Variants in CNTNAP5 observed in about 807,000 individuals in gnomAD.
CNTNAP5 encodes contactin-associated protein-like 5.
Under a neutral mutation model 150.2 loss-of-function variants are expected in CNTNAP5, and 72 were observed. The ratio of observed to expected loss-of-function variants is 0.48; its 90% confidence interval spans 0.40 to 0.58. CNTNAP5 has a LOEUF of 0.58. CNTNAP5 is among the 20% of genes least tolerant of loss of function. The pLI, the probability that CNTNAP5 is intolerant of heterozygous loss-of-function variation, is 0.00. For missense variants in CNTNAP5, 1,636 were observed against 1,626.2 expected (o/e 1.01, Z -0.10); for synonymous variants, 672 against 619.8 (o/e 1.08, Z -1.25).
intron 3 of CNTNAP5, among the ~76,000 whole-genome samples, chr2:124,350,379 A>G (rs1689847724): frequency 6.6e-6 from 1 of 151,248 alleles, no homozygotes; most frequent in Non-Finnish European, 1.5e-5. Flanking sequence ...TATTCATTAT[A>G]TTTTCTGATG....
intron 22 of CNTNAP5, among the ~76,000 whole-genome samples, chr2:124,904,654 A>C (rs2685170): frequency 0.55 from 82,953 of 151,990 alleles, 24,294 homozygotes; most frequent in African/African-American, 0.76. Flanking sequence ...ATAAATTGTG[A>C]TGGGGAAATT....
chr2:124,088,426 T>G (rs372580672), intron 1 of CNTNAP5, among the ~76,000 whole-genome samples: 1 of 152,206 alleles, frequency 6.6e-6, no homozygotes, highest in African/African-American at 2.4e-5. Context: ...GCTTATTCTA[T>G]CTTTCATTTT....
chr2:124,257,257 TTAAA>T (rs1414309244), intron 3 of CNTNAP5, among the ~76,000 whole-genome samples: 2 of 152,200 alleles, frequency 1.3e-5, no homozygotes, highest in East Asian at 3.9e-4. Flanking sequence ...ACAGTACTCT[TTAAA>T]TATTCATTAT....
intron 3 of CNTNAP5, among the ~76,000 whole-genome samples, chr2:124,311,120 C>A (rs1688818949): frequency 6.6e-6 from 1 of 152,156 alleles, no homozygotes; most frequent in South Asian, 2.1e-4. Context: ...AGATGAGCTT[C>A]TTTGCTTCAT....
chr2:124,417,681 T>C (rs2104777239), intron 4 of CNTNAP5, 91 bp downstream of exon 4: 2 of 1,267,368 alleles, frequency 1.6e-6, no homozygotes, highest in East Asian at 5.0e-5. Context: ...TTGACAATCA[T>C]CTTATTTTAA....
intron 14 of CNTNAP5, among the ~76,000 whole-genome samples, chr2:124,747,712 C>CAGGTTCAA (rs1166569243): frequency 6.9e-6 from 1 of 144,560 alleles, no homozygotes; most frequent in Non-Finnish European, 1.5e-5. Context: ...CTCCGCCTGC[C>CAGGTTCAA]AGGTTCAAGC....
chr2:124,352,420 G>A (rs1385467714), intron 3 of CNTNAP5, among the ~76,000 whole-genome samples: 2 of 152,140 alleles, frequency 1.3e-5, no homozygotes, highest in Non-Finnish European at 2.9e-5. Context: ...GTTTATGGAG[G>A]GCACATAAAG....
chr2:124,458,273 AAT>A (rs1239207904), intron 6 of CNTNAP5, among the ~76,000 whole-genome samples: 5 of 119,344 alleles, frequency 4.2e-5, no homozygotes, highest in Admixed American at 1.1e-4. Flanking sequence ...TATACAATAT[AAT>A]ATATATAATG....
chr2:124,326,305 A>T (rs1689215033), intron 3 of CNTNAP5, among the ~76,000 whole-genome samples: 1 of 152,198 alleles, frequency 6.6e-6, no homozygotes, highest in South Asian at 2.1e-4. Flanking sequence ...GGATTTCAGC[A>T]TGATTTTTAA....
chr2:124,342,795 G>A (rs1479117639), intron 3 of CNTNAP5, among the ~76,000 whole-genome samples: 2 of 152,054 alleles, frequency 1.3e-5, no homozygotes, highest in African/African-American at 4.8e-5. Flanking sequence ...AAATACGGAA[G>A]ACAAAATATA....
chr2:124,249,779 TAC>T lies in CNTNAP5; in HGVS notation c.381+7388_381+7389del, dbSNP rs549496059. Among the ~76,000 whole-genome samples the T allele has an allele frequency of 3.5e-3, 526 of 152,298 alleles. 4 individuals carry two copies. The highest frequency in any genetic ancestry group is 0.012 in the African/African-American group (508 of 41,578). On this transcript the variant is annotated intron_variant, in intron 3 of 23. Transcript: ENST00000682447. ...TCAGAATCAACCTGTTAAAATCTTT[TAC>T]AGAGTTTGACTCTTTTCATCGACAA...
At chr2:124,496,066 C>T (rs1219410159) in intron 7 of CNTNAP5, among the ~76,000 whole-genome samples, 1 of 152,082 alleles carries the variant, frequency 6.6e-6, no homozygotes, top group African/African-American at 2.4e-5. Flanking sequence ...CTGTCTCACT[C>T]CTTCACTGTA....
chr2:124,085,769 T>G (rs972217854), intron 1 of CNTNAP5, among the ~76,000 whole-genome samples: 4 of 152,262 alleles, frequency 2.6e-5, no homozygotes, highest in Admixed American at 2.6e-4. Flanking sequence ...CAATTTATTA[T>G]TTAAAAGTGT....
At chr2:124,257,844 G>A (rs371699817) in intron 3 of CNTNAP5, among the ~76,000 whole-genome samples, 76 of 152,154 alleles carry the variant, frequency 5.0e-4, no homozygotes, top group African/African-American at 1.7e-3. Context: ...ACTTGGTCTG[G>A]TATGGAGTAA....
chr2:124,236,435 G>A (rs1052960323), intron 2 of CNTNAP5, among the ~76,000 whole-genome samples: 1 of 152,180 alleles, frequency 6.6e-6, no homozygotes, highest in Non-Finnish European at 1.5e-5. Context: ...TTCTTGCCCA[G>A]CCACAGGTCC....
At chr2:124,534,109 G>A (rs527675142) in intron 10 of CNTNAP5, among the ~76,000 whole-genome samples, 1 of 152,270 alleles carries the variant, frequency 6.6e-6, no homozygotes, top group African/African-American at 2.4e-5. Context: ...GTGGGAGCTA[G>A]ATAACATGGA....
chr2:124,089,841 A>G (rs1161598086), intron 1 of CNTNAP5, among the ~76,000 whole-genome samples: 2 of 152,226 alleles, frequency 1.3e-5, no homozygotes, highest in African/African-American at 2.4e-5. Flanking sequence ...TCCTGGCCTC[A>G]CTATTATCCT....
chr2:124,516,158 C>T (rs915360481), intron 8 of CNTNAP5, among the ~76,000 whole-genome samples: 5 of 152,142 alleles, frequency 3.3e-5, no homozygotes. Context: ...GATGGATAAA[C>T]AGTGTGCCAG....
rs999518347 is a variant in CNTNAP5 at position 124,916,257 on chromosome 2, C to T, written c.*1969C>T. ...TACATTTATTTTAAAGTGATTTTAA[C>T]CATGATATCATTTCTCTCCTTTTAG... On this transcript the variant is annotated 3_prime_UTR_variant, in exon 24 of 24. Coordinates refer to ENST00000682447, the MANE Select transcript of CNTNAP5 (RefSeq NM_001367498.1). Among the ~76,000 whole-genome samples, 3 of 152,048 alleles carry T rather than the reference C, an allele frequency of 2.0e-5. No homozygotes were observed. The highest frequency in any genetic ancestry group is 4.4e-5 in the Non-Finnish European group (3 of 67,994).
Sources: allele counts gnomAD v4.1 joint callset (sites outside exome capture counted in the v4.1 genomes callset), GRCh38; gene constraint gnomAD v4.1.1; transcripts MANE v1.5; gene names NCBI Gene and HGNC (gene_info 2026-07-23, HGNC 2026-07-21).